The following AKAP11 variants were observed in gnomAD, a reference collection of about 807,000 sequenced individuals.
The protein encoded by AKAP11 is A-kinase anchor protein 11.
AKAP11 carries 36 observed loss-of-function variants against 146.1 expected under a neutral mutation model. The observed-to-expected ratio is 0.25, with a 90% CI of 0.19 to 0.33. AKAP11 has a LOEUF of 0.33. Ranked by LOEUF, AKAP11 falls within the 10% of genes least tolerant of loss-of-function variation. AKAP11 has a pLI of 1.00. For missense variants in AKAP11, 2,201 were observed against 2,197.0 expected (o/e 1.00, Z -0.04); for synonymous variants, 780 against 786.5 (o/e 0.99, Z 0.14).
At chr13:42,317,041 C>G (rs28544542) in intron 11 of AKAP11, among the ~76,000 whole-genome samples, 1 of 151,996 alleles carries the variant, frequency 6.6e-6, no homozygotes, top group Non-Finnish European at 1.5e-5. Flanking sequence ...CCACGCCTGG[C>G]CGGATTTTGT....
chr13:42,303,022 C>G lies in AKAP11; in HGVS notation c.4276C>G (p.Gln1426Glu), dbSNP rs1566280719. 2.5e-6 allele frequency: 4 copies of G among 1,612,972 alleles called. No homozygotes were observed. Among genetic ancestry groups the G allele is most frequent in the Non-Finnish European group, 3.4e-6 (4 of 1,179,854 alleles). Residue 1426 changes from glutamine to glutamate, a missense_variant, in exon 8 of 13, where the codon CAA (glutamine) becomes GAA (glutamate). Physicochemically the swap from Gln to Glu is conservative, Grantham distance 29. Around this residue, in one of 3 missense-constraint regions of AKAP11, gnomAD observed 1,867 missense variants for 1,833.5 expected, o/e 1.02. Transcript: ENST00000025301. ...EHHQEADKKR[Q>E]SKRNEGYFCK... ...CCACCAAGAAGCAGACAAAAAGAGA[C>G]AAAGTAAAAGAAATGAAGGTTACTT... is the stretch of plus-strand genomic sequence containing the variant.
rs1960110310 is a variant in AKAP11, at chr13:42,303,851, A to G, written c.5105A>G (p.His1702Arg). Residue 1702 changes from histidine (H) to arginine (R), a missense_variant, in exon 8 of 13, where the codon CAT becomes CGT. Physicochemically the swap from His to Arg is conservative, Grantham distance 29 (BLOSUM62 0). This residue lies in a region of AKAP11 where 1,867 missense variants were observed against 1,833.5 expected (regional missense o/e 1.02). Transcript: ENST00000025301. ...TMTAAVTNVG[H>R]AVSSSKEIED... ...ACAGCAGCTGTCACAAATGTTGGGCATGCTGTTAGCAGGTAAGTTTCACGT... is the reference window on the plus strand; with the variant it reads ...ACAGCAGCTGTCACAAATGTTGGGCGTGCTGTTAGCAGGTAAGTTTCACGT... 6.3e-7 allele frequency: 1 copy of G among 1,579,756 alleles called. No individual in the cohort carries two copies. The highest frequency in any genetic ancestry group is 1.9e-5 in the Admixed American group (1 of 53,058).
chr13:42,286,519 T>C (rs1225959059), intron 3 of AKAP11, 120 bp downstream of exon 3: 3 of 617,956 alleles, frequency 4.9e-6, no homozygotes, highest in East Asian at 3.1e-5. Flanking sequence ...ATTAGTAACA[T>C]TGAACTACTG....
At chr13:42,314,845 C>A (rs1219150970) in intron 11 of AKAP11, among the ~76,000 whole-genome samples, 1 of 151,966 alleles carries the variant, frequency 6.6e-6, no homozygotes. Context: ...ATATCACTGG[C>A]CACAGAGTTT....
chr13:42,302,939 T>C lies in AKAP11; in HGVS notation c.4193T>C (p.Val1398Ala), dbSNP rs1766962072. 6.2e-7 allele frequency: 1 copy of C among 1,613,724 alleles called. No homozygotes were observed. The highest frequency in any genetic ancestry group is 1.3e-5 in the African/African-American group (1 of 74,860). The change falls in exon 8 of 13, where the codon GTG (valine) becomes GCG (alanine). Residue 1398 changes from valine to alanine, a missense_variant. By Grantham distance (64) the Val-to-Ala change is moderately conservative. Transcript: ENST00000025301. ...CAGTGCAACTCAAGAATGTTCCCTG[T>C]GCCAAGTTCACAAGTGAAAACAAAC... ...KVQCNSRMFP[V>A]PSSQVKTNKE...
At chr13:42,273,247 A>G (rs1467769371) in intron 1 of AKAP11, among the ~76,000 whole-genome samples, 2 of 152,218 alleles carry the variant, frequency 1.3e-5, no homozygotes, top group Non-Finnish European at 2.9e-5. Context: ...GTACTAAGAA[A>G]AAATGGGGTA....
In AKAP11 at chr13:42,313,144, A is replaced by G. The variant is rs758160817; in HGVS notation, c.5357+14A>G. The stretch of plus-strand genomic sequence containing the variant: ...AACATCAGACAGGTTGGTCCAGTCT[A>G]GAAACTTAAAAACTGATGAGTCTGT... On this transcript the variant is annotated intron_variant, in intron 10 of 12. Transcript: ENST00000025301. The G allele has an allele frequency of 1.9e-6, 3 of 1,591,574 alleles. No homozygotes were observed. Among genetic ancestry groups the G allele is most frequent in the East Asian group, 2.2e-5 (1 of 44,532 alleles).
chr13:42,302,913 G>A lies in AKAP11; in HGVS notation c.4167G>A (p.Val1389=). Residue 1389 remains valine (V), a synonymous_variant, in exon 8 of 13, where the codon GTG becomes GTA. Transcript: ENST00000025301. ...AGGAAGCAGCTAAGACAACCAAAGTGCAGTGCAACTCAAGAATGTTCCCTG... is the reference window on the plus strand; with the variant it reads ...AGGAAGCAGCTAAGACAACCAAAGTACAGTGCAACTCAAGAATGTTCCCTG... ...GLQEAAKTTK[V]QCNSRMFPVP... 6.2e-7 allele frequency: 1 copy of A among 1,613,900 alleles called. No individual in the cohort carries two copies.
chr13:42,278,099 C>T (rs1566253095), intron 1 of AKAP11, among the ~76,000 whole-genome samples: 1 of 152,086 alleles, frequency 6.6e-6, no homozygotes, highest in Non-Finnish European at 1.5e-5. Flanking sequence ...CATACACAGC[C>T]TCCTACAACA....
Position 42,298,721 on chromosome 13 carries a change from G to A in AKAP11, c.540G>A (p.Val180=). ...ATGATGATGATACTAACCAGTCTGTGTCATCCATAGAGGATGACTTTGTCA... is the reference window on the plus strand; with the variant it reads ...ATGATGATGATACTAACCAGTCTGTATCATCCATAGAGGATGACTTTGTCA... ...DEDDDDTNQS[V]SSIEDDFVTA... The change falls in exon 7 of 13, where the codon GTG becomes GTA. Residue 180 remains valine (V), a synonymous_variant. Transcript: ENST00000025301. 1 of 1,606,734 alleles carries A rather than the reference G, an allele frequency of 6.2e-7. No individual in the cohort carries two copies. Among genetic ancestry groups the A allele is most frequent in the Non-Finnish European group, 8.5e-7 (1 of 1,177,776 alleles).
chr13:42,271,877 G>A (rs73460177), upstream of AKAP11, among the ~76,000 whole-genome samples: 1,509 of 151,904 alleles, frequency 9.9e-3, 27 homozygotes, highest in African/African-American at 0.035. Flanking sequence ...GCTGCTCCGC[G>A]GGCTGCACTG....
chr13:42,303,403 G>C lies in AKAP11; in HGVS notation c.4657G>C (p.Glu1553Gln). The C allele has an allele frequency of 6.2e-7, 1 of 1,613,976 alleles. No individual in the cohort carries two copies. The highest frequency in any genetic ancestry group is 1.7e-5 in the Admixed American group (1 of 60,032). ...CAAAAAAGTAGTGGATGACACTCTAGAGCTAACTCTAGGATCTACAGTGTT... is the reference window on the plus strand; with the variant it reads ...CAAAAAAGTAGTGGATGACACTCTACAGCTAACTCTAGGATCTACAGTGTT... ...YAKKVVDDTL[E>Q]LTLGSTVFRV... Residue 1553 changes from glutamate (E) to glutamine (Q), a missense_variant, in exon 8 of 13, where the codon GAG becomes CAG. Glu to Gln is a conservative substitution (Grantham distance 29, BLOSUM62 2). This residue lies in a region of AKAP11 where 1,867 missense variants were observed against 1,833.5 expected (regional missense o/e 1.02). Transcript: ENST00000025301.
At position 42,303,084 on chromosome 13, in the gene AKAP11, A is replaced by G; in HGVS notation, c.4338A>G (p.Pro1446=). Residue 1446 remains proline (P), a synonymous_variant, in exon 8 of 13, where the codon CCA becomes CCG. Transcript: ENST00000025301. ...KNQTCERTLD[P]YRNEVSQLYS... ...AAACTTGTGAAAGGACCCTGGATCC[A>G]TATAGAAATGAGGTCTCCCAACTGT... 2 of 1,613,848 alleles carry G rather than the reference A, an allele frequency of 1.2e-6. No homozygotes were observed. The highest frequency in any genetic ancestry group is 2.2e-5 in the East Asian group (1 of 44,884).
intron 1 of AKAP11, among the ~76,000 whole-genome samples, chr13:42,277,983 C>G (rs1280955237): frequency 6.6e-6 from 1 of 152,094 alleles, no homozygotes; most frequent in African/African-American, 2.4e-5. Context: ...TTTTGCTCCC[C>G]AAGGAAATGT....
At chr13:42,281,765 G>A (rs1268357618) in intron 1 of AKAP11, among the ~76,000 whole-genome samples, 1 of 151,844 alleles carries the variant, frequency 6.6e-6, no homozygotes, top group Non-Finnish European at 1.5e-5. Flanking sequence ...CACAAAATGG[G>A]ATAATGCTAA....
chr13:42,298,852 T>C lies in AKAP11; in HGVS notation c.616+55T>C. The C allele has an allele frequency of 2.0e-6, 3 of 1,516,362 alleles. No homozygotes were observed. The South Asian group carries it at 4.1e-5, about 21-fold the overall frequency. The allele number at this position is 1,516,362 out of a possible 1,614,324, so 93.9% of individuals were successfully genotyped here. ...ATAGGGAATTAAAATTTTTCAGTTT[T>C]GAAAATTTTAAGGCAGGCTTGTTCA... On this transcript the variant is annotated intron_variant, in intron 7 of 12. Transcript: ENST00000025301.
Position 42,302,280 on chromosome 13 carries a change from A to G in AKAP11, c.3534A>G (p.Glu1178=). 6.2e-7 allele frequency: 1 copy of G among 1,614,182 alleles called. No homozygotes were observed. Among genetic ancestry groups the G allele is most frequent in the Non-Finnish European group, 8.5e-7 (1 of 1,180,020 alleles). The part of the protein sequence containing the change: ...RSLSEEVESS[E]SGELPEVDVK... ...TTTCTGAAGAAGTTGAGAGTAGTGA[A>G]AGTGGAGAGCTCCCAGAAGTGGATG... Residue 1178 remains glutamate (E), a synonymous_variant, in exon 8 of 13, where the codon GAA becomes GAG. Coordinates refer to ENST00000025301, the MANE Select transcript of AKAP11 (RefSeq NM_016248.4).
At chr13:42,317,974 G>C (rs1960902026) in intron 12 of AKAP11, among the ~76,000 whole-genome samples, 1 of 152,176 alleles carries the variant, frequency 6.6e-6, no homozygotes, top group Non-Finnish European at 1.5e-5. Flanking sequence ...TTGGTCTAAT[G>C]CCTGGCATAA....
chr13:42,316,782 A>G (rs1199618827), intron 11 of AKAP11, among the ~76,000 whole-genome samples: 1 of 152,248 alleles, frequency 6.6e-6, no homozygotes, highest in Non-Finnish European at 1.5e-5. Flanking sequence ...TGAGGATTAA[A>G]GGAGTTTGTA....
Sources: allele counts gnomAD v4.1 joint callset (sites outside exome capture counted in the v4.1 genomes callset), GRCh38; gene constraint gnomAD v4.1.1; regional missense constraint gnomAD v4.1.1; transcripts MANE v1.5; gene names NCBI Gene and HGNC (gene_info 2026-07-23, HGNC 2026-07-21).